Variants in TRIM24 observed in about 807,000 individuals in gnomAD.
The protein encoded by TRIM24 is tripartite motif containing 24.
In TRIM24, 29 loss-of-function variants were observed where a neutral mutation model predicts 123.9. The observed-to-expected ratio is 0.23, with a 90% CI of 0.17 to 0.32. The LOEUF is 0.32. Among genes scored for constraint, TRIM24 ranks in the 10% least tolerant of loss-of-function variants. The probability of loss-of-function intolerance (pLI) is 1.00; values close to 1 mark genes in which losing one functional copy is unlikely to be tolerated. For missense variants in TRIM24, 932 were observed against 1,295.3 expected (o/e 0.72, Z 4.31); for synonymous variants, 456 against 461.1 (o/e 0.99, Z 0.14).
intron 3 of TRIM24, 127 bp downstream of exon 3, chr7:138,515,486 T>C: frequency 8.7e-7 from 1 of 1,144,556 alleles, no homozygotes; most frequent in Middle Eastern, 3.1e-4. Context: ...GTAAAAGAGG[T>C]TTATATTATC....
chr7:138,573,768 A>T, intron 12 of TRIM24, 126 bp downstream of exon 12: 1 of 1,084,524 alleles, frequency 9.2e-7, no homozygotes, highest in South Asian at 1.7e-5. Flanking sequence ...ATTTAAAATT[A>T]GTATGCTTTC....
chr7:138,541,444 T>C (rs540321576), intron 7 of TRIM24, among the ~76,000 whole-genome samples: 1 of 152,324 alleles, frequency 6.6e-6, no homozygotes, highest in African/African-American at 2.4e-5. Flanking sequence ...AGCAGTAATA[T>C]TTTAAAATCC....
intron 5 of TRIM24, among the ~76,000 whole-genome samples, chr7:138,526,682 AT>A (rs1749844758): frequency 6.6e-6 from 1 of 152,130 alleles, no homozygotes; most frequent in Admixed American, 6.5e-5. Flanking sequence ...AAGCACTGGG[AT>A]TACAGGCGTG....
chr7:138,467,452 C>G (rs1795168871), intron 1 of TRIM24, among the ~76,000 whole-genome samples: 1 of 152,188 alleles, frequency 6.6e-6, no homozygotes, highest in Non-Finnish European at 1.5e-5. Flanking sequence ...AGTGATTCTC[C>G]TGCCTCAGCC....
At chr7:138,575,476 T>TTTGG (rs1224447735) in intron 12 of TRIM24, among the ~76,000 whole-genome samples, 2 of 151,676 alleles carry the variant, frequency 1.3e-5, no homozygotes, top group African/African-American at 2.4e-5. Flanking sequence ...TTTTTTTTTT[T>TTTGG]TTGGTTAGAG....
chr7:138,522,790 A>G (rs1472942125), intron 4 of TRIM24, among the ~76,000 whole-genome samples: 1 of 152,212 alleles, frequency 6.6e-6, no homozygotes, highest in Admixed American at 6.5e-5. Flanking sequence ...TATGATCTCT[A>G]TATACTTGCA....
In TRIM24 at chr7:138,460,527, C is replaced by T. The variant is rs1310496274; in HGVS notation, c.-22C>T. The T allele has an allele frequency of 8.7e-6, 11 of 1,262,442 alleles. No homozygotes were observed. The Admixed American group carries it at 2.1e-4, about 24-fold the overall frequency. 78.2% of individuals were successfully genotyped at this position (1,262,442 alleles called of 1,614,324 possible). A position where few individuals can be genotyped will look rare whatever the true frequency, so the allele number is the denominator to read the frequency against. On this transcript the variant is annotated 5_prime_UTR_variant, in exon 1 of 19. Transcript: ENST00000343526. ...GGCGGAGACCGCGCTCTCGCTTCCC[C>T]GGCGGCGGCAAGGGCAGGACAATGG...
chr7:138,486,918 C>T (rs13224528), intron 1 of TRIM24, among the ~76,000 whole-genome samples: 122,534 of 152,098 alleles, frequency 0.81, 49,671 homozygotes, highest in African/African-American at 0.85. Context: ...AATCTATAAA[C>T]TACCTTGGGC....
At chr7:138,563,477 G>T (rs577913166) in intron 9 of TRIM24, among the ~76,000 whole-genome samples, 1 of 152,066 alleles carries the variant, frequency 6.6e-6, no homozygotes, top group Non-Finnish European at 1.5e-5. Context: ...TTCCCTTACC[G>T]TAAGGGTCAC....
intron 3 of TRIM24, 44 bp downstream of exon 3, chr7:138,515,403 C>T (rs566286719): frequency 5.6e-6 from 9 of 1,595,902 alleles, no homozygotes; most frequent in East Asian, 4.5e-5. Flanking sequence ...TATCTTTCCC[C>T]GTCTTTTCTT....
At chr7:138,525,184 C>T (rs542560734) in intron 4 of TRIM24, 57 bp from the exon 5 acceptor site, 16 of 782,722 alleles carry the variant, frequency 2.0e-5, no homozygotes, top group African/African-American at 2.0e-4. Flanking sequence ...TTTTTTTATT[C>T]TTGGACTTTT....
chr7:138,477,063 G>C (rs1400845846), intron 1 of TRIM24, among the ~76,000 whole-genome samples: 4 of 151,438 alleles, frequency 2.6e-5, no homozygotes, highest in African/African-American at 7.2e-5. Context: ...GTGTCTCTGT[G>C]TGTGTGTGTG....
At chr7:138,497,400 T>TC (rs1454694556) in intron 1 of TRIM24, among the ~76,000 whole-genome samples, 2 of 112,704 alleles carry the variant, frequency 1.8e-5, no homozygotes, top group Non-Finnish European at 4.1e-5. Flanking sequence ...TTTCTTTTTT[T>TC]TTTTTTTTTT....
chr7:138,489,329 G>A lies in TRIM24; in HGVS notation c.365-14961G>A, dbSNP rs560784833. ...TTGCCAGTCTTTGTCTTTTAATTGG[G>A]GCATTTAGCCCATTTACATTTAAGG... On this transcript the variant is annotated intron_variant, in intron 1 of 18. Transcript: ENST00000343526. Among the ~76,000 whole-genome samples, 202 of 152,082 alleles carry A rather than the reference G, an allele frequency of 1.3e-3. 1 individual carries two copies. Among genetic ancestry groups the A allele is most frequent in the African/African-American group, 4.7e-3 (195 of 41,490 alleles).
intron 1 of TRIM24, among the ~76,000 whole-genome samples, chr7:138,475,909 GTTA>G (rs775497927): frequency 7.9e-5 from 12 of 152,268 alleles, no homozygotes; most frequent in Non-Finnish European, 1.8e-4. Context: ...ATAAAAAGGG[GTTA>G]TTATAGTTAT....
intron 7 of TRIM24, among the ~76,000 whole-genome samples, chr7:138,542,819 C>G (rs574193755): frequency 6.6e-6 from 1 of 152,284 alleles, no homozygotes; most frequent in South Asian, 2.1e-4. Context: ...CATCAGAGTT[C>G]TATAACTTTT....
At chr7:138,505,769 T>G (rs1311223172) in intron 2 of TRIM24, among the ~76,000 whole-genome samples, 1 of 152,226 alleles carries the variant, frequency 6.6e-6, no homozygotes, top group Non-Finnish European at 1.5e-5. Flanking sequence ...GTTTTTCGTT[T>G]GTTTCTAATT....
chr7:138,510,300 G>A (rs1022218804), intron 2 of TRIM24, among the ~76,000 whole-genome samples: 6 of 152,228 alleles, frequency 3.9e-5, no homozygotes, highest in African/African-American at 1.4e-4. Context: ...AGTTGGAGCT[G>A]AAAATAGAAG....
At chr7:138,542,319 A>G (rs1438410957) in intron 7 of TRIM24, among the ~76,000 whole-genome samples, 3 of 152,110 alleles carry the variant, frequency 2.0e-5, no homozygotes, top group African/African-American at 7.2e-5. Context: ...GAACACTTAG[A>G]GACTATTGTA....
Sources: allele counts gnomAD v4.1 joint callset (sites outside exome capture counted in the v4.1 genomes callset), GRCh38; gene constraint gnomAD v4.1.1; transcripts MANE v1.5; gene names NCBI Gene and HGNC (gene_info 2026-07-23, HGNC 2026-07-21).